Variants in TRIM67 observed in about 807,000 individuals in gnomAD.
The protein encoded by TRIM67 is tripartite motif-containing protein 67.
TRIM67 carries 39 observed loss-of-function variants against 71.0 expected under a neutral mutation model. That is an observed-to-expected ratio of 0.55 (90% CI 0.43 to 0.72). The LOEUF (loss-of-function observed/expected upper bound fraction) is 0.72, where lower values mean the gene tolerates loss of function less well. Among genes scored for constraint, TRIM67 ranks in the 30% least tolerant of loss-of-function variants. TRIM67 has a pLI of 0.00. For missense variants in TRIM67, 973 were observed against 1,079.2 expected, an observed-to-expected ratio of 0.90 and a Z score of 1.38; for synonymous variants, 481 against 473.9, an observed-to-expected ratio of 1.01 and a Z score of -0.19.
At chr1:231,171,510 G>A (rs1459300708) in intron 1 of TRIM67, among the ~76,000 whole-genome samples, 2 of 152,148 alleles carry the variant, frequency 1.3e-5, no homozygotes, top group African/African-American at 4.8e-5. Flanking sequence ...TTCGGTGGGG[G>A]TGCTGCCCAG....
Position 231,220,257 on chromosome 1 carries a change from T to C in TRIM67, c.*4817T>C, listed in dbSNP as rs1490482399. The C allele has an allele frequency of 1.3e-5, 4 of 308,562 alleles. No homozygotes were observed. Among genetic ancestry groups the C allele is most frequent in the Non-Finnish European group, 2.5e-5 (4 of 156,944 alleles). The allele number at this position is 308,562 out of a possible 1,614,324, so 19.1% of individuals were successfully genotyped here. A position where few individuals can be genotyped will look rare whatever the true frequency, so the allele number is the denominator to read the frequency against. The stretch of plus-strand genomic sequence containing the variant: ...GCTGCCTGGCCTCCAGTGGGTAAAA[T>C]AGACCTTTAAGACAGGTTTCCTATG... On this transcript the variant is annotated 3_prime_UTR_variant, in exon 10 of 10. Coordinates refer to ENST00000366653, the MANE Select transcript of TRIM67 (RefSeq NM_001004342.5).
At position 231,184,962 on chromosome 1, in the gene TRIM67, G is replaced by A. The variant is rs2102731402; in HGVS notation, c.1045-12409G>A. The stretch of plus-strand genomic sequence containing the variant: ...CTGAAGCCCAGCTCTAAGGGTTGCT[G>A]GATAAACACCCAGCAGTGCTCCTGA... On this transcript the variant is annotated intron_variant, in intron 1 of 9. Coordinates refer to ENST00000366653, the MANE Select transcript of TRIM67 (RefSeq NM_001004342.5). The A allele has an allele frequency of 3.4e-6, 5 of 1,481,546 alleles. No homozygotes were observed. The East Asian group carries it at 1.2e-4, about 37-fold the overall frequency. 91.8% of individuals were successfully genotyped at this position (1,481,546 alleles called of 1,614,324 possible). A position where few individuals can be genotyped will look rare whatever the true frequency, so the allele number is the denominator to read the frequency against.
chr1:231,212,808 A>G (rs1035606974), intron 8 of TRIM67, among the ~76,000 whole-genome samples: 1 of 152,162 alleles, frequency 6.6e-6, no homozygotes, highest in African/African-American at 2.4e-5. Flanking sequence ...CCTTGGGAGC[A>G]TGTTCCTTAC....
chr1:231,186,076 C>T, intron 1 of TRIM67: 1 of 1,532,906 alleles, frequency 6.5e-7, no homozygotes, highest in Non-Finnish European at 8.7e-7. Flanking sequence ...CAGAACTCAC[C>T]TCTCTCCTGA....
rs1684089492 is a variant in TRIM67, at chr1:231,219,435, G to A, written c.*3995G>A. 1 of 1,034,854 alleles carries A rather than the reference G, an allele frequency of 9.7e-7. No homozygotes were observed. Among genetic ancestry groups the A allele is most frequent in the Non-Finnish European group, 1.2e-6 (1 of 860,640 alleles). 64.1% of individuals were successfully genotyped at this position (1,034,854 alleles called of 1,614,324 possible). On this transcript the variant is annotated 3_prime_UTR_variant, in exon 10 of 10. Coordinates refer to ENST00000366653, the MANE Select transcript of TRIM67 (RefSeq NM_001004342.5). ...CTCCGGCTGCTTTGTTCCATAGAAAGCCTGTATGTGACAAAGCTGCCAGCC... is the reference window on the plus strand; with the variant it reads ...CTCCGGCTGCTTTGTTCCATAGAAAACCTGTATGTGACAAAGCTGCCAGCC...
chr1:231,189,939 C>G (rs1042594406), intron 1 of TRIM67, among the ~76,000 whole-genome samples: 4 of 152,184 alleles, frequency 2.6e-5, no homozygotes, highest in Non-Finnish European at 5.9e-5. Flanking sequence ...GAAGAGGATT[C>G]TCCCTTAGAG....
intron 2 of TRIM67, among the ~76,000 whole-genome samples, chr1:231,198,469 C>A (rs1434203810): frequency 2.6e-5 from 4 of 152,306 alleles, no homozygotes; most frequent in South Asian, 4.1e-4. Flanking sequence ...TCACCGCAAC[C>A]TCCGCCTCCC....
rs139302300 is a variant in TRIM67 at position 231,169,240 on chromosome 1, A to G, written c.1044+5227A>G. Among the ~76,000 whole-genome samples the G allele has an allele frequency of 5.5e-3, 836 of 151,514 alleles. 10 individuals carry two copies. The highest frequency in any genetic ancestry group is 0.019 in the African/African-American group (796 of 41,286). ...AGCTAATTTTTTGTATTTTTAGTAG[A>G]GACAGGGTTTTGCCATGTTGGCCAG... is the stretch of plus-strand genomic sequence containing the variant. On this transcript the variant is annotated intron_variant, in intron 1 of 9. Coordinates refer to ENST00000366653, the MANE Select transcript of TRIM67 (RefSeq NM_001004342.5).
intron 1 of TRIM67, among the ~76,000 whole-genome samples, chr1:231,176,215 A>T (rs1187561956): frequency 1.3e-5 from 2 of 152,212 alleles, no homozygotes; most frequent in African/African-American, 4.8e-5. Flanking sequence ...CTGCAGACAC[A>T]CTTAAAACAG....
At chr1:231,206,190 G>T (rs879458507) in intron 6 of TRIM67, among the ~76,000 whole-genome samples, 27 of 152,038 alleles carry the variant, frequency 1.8e-4, no homozygotes, top group Admixed American at 1.7e-3. Flanking sequence ...CACTTTGGGA[G>T]GCCAAGGCAG....
At chr1:231,187,700 G>A (rs1057091216) in intron 1 of TRIM67, 112 of 849,122 alleles carry the variant, frequency 1.3e-4, no homozygotes, top group Middle Eastern at 7.3e-4. Context: ...TGGGAGAGGC[G>A]GGGTGGGAAA....
At chr1:231,182,784 C>T (rs1176181772) in intron 1 of TRIM67, among the ~76,000 whole-genome samples, 1 of 152,304 alleles carries the variant, frequency 6.6e-6, no homozygotes, top group African/African-American at 2.4e-5. Flanking sequence ...GGGGTTGGCT[C>T]CTGCACACGT....
At chr1:231,210,589 A>C (rs1683839944) in intron 8 of TRIM67, among the ~76,000 whole-genome samples, 1 of 150,984 alleles carries the variant, frequency 6.6e-6, no homozygotes, top group Non-Finnish European at 1.5e-5. Context: ...GCTTAAACCA[A>C]ACTGGCACCC....
In TRIM67 at chr1:231,163,186, G is replaced by A; in HGVS notation, c.217G>A (p.Ala73Thr). The A allele has an allele frequency of 6.7e-7, 1 of 1,487,710 alleles. No homozygotes were observed. Among genetic ancestry groups the A allele is most frequent in the Non-Finnish European group, 8.9e-7 (1 of 1,119,490 alleles). The allele number at this position is 1,487,710 out of a possible 1,614,324, so 92.2% of individuals were successfully genotyped here. The change falls in exon 1 of 10, where the codon GCT becomes ACT. Residue 73 changes from alanine to threonine, a missense_variant. This residue lies in a region of TRIM67 where 795 missense variants were observed against 831.3 expected (regional missense o/e 0.96). Transcript: ENST00000366653. ...TGCCTCTCTGGAGCACGACGCTGCG[G>A]CTGGCCCGGCCTGCGGCGGTGCAGG... ...AAASLEHDAAAGPACGGAGGS... is the reference protein window; with the variant it reads ...AAASLEHDAATGPACGGAGGS...
rs1684033943 is a variant in TRIM67 at position 231,217,118 on chromosome 1, CA to C, written c.*1679del. ...CGGAGCCATGCAGGTACCCCCCCTC[CA>C]CTCAGCAGGCCCGACAATCCTACCT... On this transcript the variant is annotated 3_prime_UTR_variant, in exon 10 of 10. Coordinates refer to ENST00000366653, the MANE Select transcript of TRIM67 (RefSeq NM_001004342.5). 1.0e-6 allele frequency: 1 copy of C among 985,962 alleles called. No individual in the cohort carries two copies. Among genetic ancestry groups the C allele is most frequent in the Non-Finnish European group, 1.2e-6 (1 of 830,022 alleles). The allele number at this position is 985,962 out of a possible 1,614,324, so 61.1% of individuals were successfully genotyped here.
At chr1:231,167,085 A>C (rs1682488525) in intron 1 of TRIM67, among the ~76,000 whole-genome samples, 1 of 152,120 alleles carries the variant, frequency 6.6e-6, no homozygotes, top group African/African-American at 2.4e-5. Context: ...CTCTGAATTA[A>C]ACTGGGTAGG....
At chr1:231,215,274 G>C in intron 9 of TRIM67, 101 bp from the exon 10 acceptor site, 1 of 1,490,514 alleles carries the variant, frequency 6.7e-7, no homozygotes. Context: ...GATGGCCCTG[G>C]AGCCAGCAGG....
chr1:231,163,585 G>C lies in TRIM67; in HGVS notation c.616G>C (p.Ala206Pro). 1 of 1,515,556 alleles carries C rather than the reference G, an allele frequency of 6.6e-7. No homozygotes were observed. Among genetic ancestry groups the C allele is most frequent in the South Asian group, 1.2e-5 (1 of 81,366 alleles). The allele number at this position is 1,515,556 out of a possible 1,614,324, so 93.9% of individuals were successfully genotyped here. ...GGGGACGTCTGCAGCCGCGGCGGTG[G>C]CCATCTGCCAGCTGTGCGACCGCAC... ...VPGTSAAAAVAICQLCDRTPP... is the reference protein window; with the variant it reads ...VPGTSAAAAVPICQLCDRTPP... Residue 206 changes from alanine (A) to proline (P), a missense_variant, in exon 1 of 10, where the codon GCC (alanine) becomes CCC (proline). Ala to Pro is a conservative substitution (Grantham distance 27). This residue lies in a region of TRIM67 where 795 missense variants were observed against 831.3 expected (regional missense o/e 0.96). Transcript: ENST00000366653.
At position 231,185,061 on chromosome 1, in the gene TRIM67, GT is replaced by G. The variant is rs1215292798; in HGVS notation, c.1045-12309del. Reference sequence around the variant, plus strand: ...CCTAGGCTAGTGTGGAGCTGAGCTGGTGCCTGGACTTCCAGAGAGCAGGGCA... The same window carrying G: ...CCTAGGCTAGTGTGGAGCTGAGCTGGGCCTGGACTTCCAGAGAGCAGGGCA... On this transcript the variant is annotated intron_variant, in intron 1 of 9. Coordinates refer to ENST00000366653, the MANE Select transcript of TRIM67 (RefSeq NM_001004342.5). 14 of 1,532,946 alleles carry G rather than the reference GT, an allele frequency of 9.1e-6. No individual in the cohort carries two copies. In the African/African-American group the frequency reaches 1.7e-4, roughly 18 times the overall value. The allele number at this position is 1,532,946 out of a possible 1,614,324, so 95.0% of individuals were successfully genotyped here. A position where few individuals can be genotyped will look rare whatever the true frequency, so the allele number is the denominator to read the frequency against.
Sources: gnomAD v4.1 joint callset for allele counts (sites outside exome capture counted in the v4.1 genomes callset) on GRCh38, gnomAD v4.1.1 for gene constraint, gnomAD v4.1.1 regional missense constraint, MANE v1.5 for transcripts, NCBI Gene and HGNC (gene_info 2026-07-23, HGNC 2026-07-21) for gene names.